The following CERS6 variants were observed in gnomAD, a reference collection of about 807,000 sequenced individuals.
The protein encoded by CERS6 is LAG1 homolog, ceramide synthase 6.
Under a neutral mutation model 56.8 loss-of-function variants are expected in CERS6, and 26 were observed. The observed-to-expected ratio is 0.46, with a 90% confidence interval of 0.34 to 0.63. The LOEUF (loss-of-function observed/expected upper bound fraction) is 0.63. Among genes scored for constraint, CERS6 ranks in the 30% least tolerant of loss-of-function variants. The pLI, the probability that CERS6 is intolerant of heterozygous loss-of-function variation, is 0.01. For synonymous variants in CERS6, 164 were observed against 173.3 expected, an observed-to-expected ratio of 0.95 and a Z score of 0.42; for missense variants, 415 against 467.5, an observed-to-expected ratio of 0.89 and a Z score of 1.04.
intron 4 of CERS6, among the ~76,000 whole-genome samples, chr2:168,681,758 G>A (rs115952803): frequency 0.019 from 2,920 of 152,048 alleles, 110 homozygotes; most frequent in African/African-American, 0.066. Flanking sequence ...GCTATATTTT[G>A]TATCCACTAA....
chr2:168,755,689 A>G (rs182979960), intron 8 of CERS6, among the ~76,000 whole-genome samples: 2 of 152,374 alleles, frequency 1.3e-5, no homozygotes, highest in Admixed American at 6.5e-5. Context: ...GCAGGTAACT[A>G]TAGCAGCCTT....
chr2:168,586,493 A>C (rs1225315744), intron 3 of CERS6, among the ~76,000 whole-genome samples: 1 of 152,084 alleles, frequency 6.6e-6, no homozygotes, highest in Non-Finnish European at 1.5e-5. Flanking sequence ...TTTCCTCCTT[A>C]TGTACCTTGA....
chr2:168,753,129 G>A (rs1173990976), intron 8 of CERS6, among the ~76,000 whole-genome samples: 1 of 152,194 alleles, frequency 6.6e-6, no homozygotes, highest in South Asian at 2.1e-4. Flanking sequence ...TGAGGAAACA[G>A]GCTTGGAGAA....
chr2:168,671,739 C>T (rs1488498916), intron 4 of CERS6, among the ~76,000 whole-genome samples: 1 of 152,152 alleles, frequency 6.6e-6, no homozygotes, highest in Non-Finnish European at 1.5e-5. Flanking sequence ...GTCATTCTTT[C>T]AGGATGTATG....
intron 1 of CERS6, among the ~76,000 whole-genome samples, chr2:168,534,588 A>G (rs529050905): frequency 1.3e-5 from 2 of 152,166 alleles, no homozygotes; most frequent in African/African-American, 4.8e-5. Flanking sequence ...AACAGCAAGG[A>G]TGGGTGCCTG....
chr2:168,632,108 C>G (rs1684760601), intron 4 of CERS6, among the ~76,000 whole-genome samples: 1 of 151,568 alleles, frequency 6.6e-6, no homozygotes, highest in Non-Finnish European at 1.5e-5. Context: ...CTTACTGGAA[C>G]TACTGTCGGG....
intron 8 of CERS6, among the ~76,000 whole-genome samples, chr2:168,746,538 A>G (rs4668103): frequency 0.82 from 123,518 of 151,092 alleles, 50,991 homozygotes; most frequent in East Asian, 0.99. Context: ...GATGTCTGGT[A>G]TTTTTCTGCT....
At chr2:168,688,242 C>T (rs944595093) in intron 4 of CERS6, among the ~76,000 whole-genome samples, 2 of 152,034 alleles carry the variant, frequency 1.3e-5, no homozygotes, top group Non-Finnish European at 2.9e-5. Flanking sequence ...AATTACATTA[C>T]TGTCCTATAA....
At chr2:168,498,535 C>T (rs1387938115) in intron 1 of CERS6, among the ~76,000 whole-genome samples, 1 of 152,152 alleles carries the variant, frequency 6.6e-6, no homozygotes, top group Non-Finnish European at 1.5e-5. Context: ...TGAATATTCA[C>T]GAGAGGGTGG....
intron 1 of CERS6, among the ~76,000 whole-genome samples, chr2:168,525,978 A>G (rs1487318086): frequency 6.6e-6 from 1 of 152,104 alleles, no homozygotes; most frequent in Non-Finnish European, 1.5e-5. Flanking sequence ...CCTATCAAAG[A>G]ATTTTGAGAG....
intron 3 of CERS6, among the ~76,000 whole-genome samples, chr2:168,596,679 G>A (rs1276247457): frequency 1.3e-5 from 2 of 150,204 alleles, no homozygotes; most frequent in East Asian, 2.0e-4. Context: ...TCAGCTTCCC[G>A]AGTAGCTGGG....
intron 1 of CERS6, among the ~76,000 whole-genome samples, chr2:168,490,988 T>G (rs989737772): frequency 1.3e-5 from 2 of 152,296 alleles, no homozygotes; most frequent in Non-Finnish European, 2.9e-5. Context: ...GTATTCATAC[T>G]TTGGGGAGGC....
intron 1 of CERS6, among the ~76,000 whole-genome samples, chr2:168,494,061 T>C (rs76327706): frequency 0.025 from 3,845 of 152,238 alleles, 79 homozygotes; most frequent in Non-Finnish European, 0.039. Flanking sequence ...TTTCCAGTGT[T>C]GTAGGAGGAA....
At chr2:168,506,440 C>G (rs2105348004) in intron 1 of CERS6, among the ~76,000 whole-genome samples, 1 of 152,304 alleles carries the variant, frequency 6.6e-6, no homozygotes, top group East Asian at 1.9e-4. Context: ...GTGTCCGACC[C>G]ACCTGATTTA....
rs1166339656 is a variant in CERS6, at chr2:168,773,415, T to G, written c.*3753T>G. 1 of 152,248 alleles carries G rather than the reference T, an allele frequency of 6.6e-6. No individual in the cohort carries two copies. The highest frequency in any genetic ancestry group is 1.5e-5 in the Non-Finnish European group (1 of 68,044). The allele number at this position is 152,248 out of a possible 1,614,324, so 9.4% of individuals were successfully genotyped here. A position where few individuals can be genotyped will look rare whatever the true frequency, so the allele number is the denominator to read the frequency against. ...TTCAGGTCTTCAGGTTCTGATTAGC[T>G]TACTTTTTTCCTTTGTCTTTGGCTG... On this transcript the variant is annotated 3_prime_UTR_variant, in exon 10 of 10. Coordinates refer to ENST00000305747, the MANE Select transcript of CERS6 (RefSeq NM_203463.3).
At chr2:168,679,360 A>G (rs914788615) in intron 4 of CERS6, among the ~76,000 whole-genome samples, 4 of 152,198 alleles carry the variant, frequency 2.6e-5, no homozygotes, top group Non-Finnish European at 5.9e-5. Flanking sequence ...GCATGAGGTG[A>G]TGGATATATG....
intron 1 of CERS6, among the ~76,000 whole-genome samples, chr2:168,476,812 T>G (rs1694080572): frequency 6.6e-6 from 1 of 152,120 alleles, no homozygotes; most frequent in South Asian, 2.1e-4. Flanking sequence ...GGATAGTGTC[T>G]GCCCATATTG....
chr2:168,694,961 A>C lies in CERS6; in HGVS notation c.519A>C (p.Pro173=). The C allele has an allele frequency of 6.2e-7, 1 of 1,612,518 alleles. No individual in the cohort carries two copies. Among genetic ancestry groups the C allele is most frequent in the Non-Finnish European group, 8.5e-7 (1 of 1,178,950 alleles). ...CCTTTTTTTTCTTTCACCTTCAGCC[A>C]CTCACAACTGACCTTCACTACTATT... ...RHCWYNYPYQ[P]LTTDLHYYYI... The change falls in exon 6 of 10, where the codon CCA becomes CCC. Residue 173 remains proline, a splice_region_variant and synonymous_variant. Transcript: ENST00000305747.
intron 8 of CERS6, 75 bp downstream of exon 8, chr2:168,718,053 T>G: frequency 2.8e-6 from 3 of 1,059,764 alleles, no homozygotes; most frequent in Non-Finnish European, 4.3e-6. Context: ...CCTTTTGAAT[T>G]TTACTGTAAG....
Sources: allele counts gnomAD v4.1 joint callset (sites outside exome capture counted in the v4.1 genomes callset), GRCh38; gene constraint gnomAD v4.1.1; transcripts MANE v1.5; gene names NCBI Gene and HGNC (gene_info 2026-07-23, HGNC 2026-07-21).